Variants in TBC1D5 observed in about 807,000 individuals in gnomAD.
TBC1D5 encodes TBC1 domain family, member 5.
A neutral mutation model predicts 100.3 loss-of-function variants in TBC1D5; 75 were observed. The observed-to-expected ratio is 0.75, with a 90% CI of 0.62 to 0.91. The LOEUF (loss-of-function observed/expected upper bound fraction) is 0.91. TBC1D5 is among the 40% of genes least tolerant of loss of function. The pLI is 0.00. For missense variants in TBC1D5, 910 were observed against 942.4 expected (o/e 0.97, Z 0.45); for synonymous variants, 323 against 325.6 (o/e 0.99, Z 0.09).
intron 1 of TBC1D5, among the ~76,000 whole-genome samples, chr3:17,714,775 G>A (rs573660477): frequency 1.3e-5 from 2 of 152,240 alleles, no homozygotes; most frequent in East Asian, 3.9e-4. Flanking sequence ...TCCAGCCTGG[G>A]CAACATAGTG....
chr3:17,553,459 T>C (rs1414722355), intron 2 of TBC1D5, among the ~76,000 whole-genome samples: 1 of 152,136 alleles, frequency 6.6e-6, no homozygotes, highest in Non-Finnish European at 1.5e-5. Flanking sequence ...TTAACAAAAC[T>C]ACAAATGTAT....
chr3:17,237,890 T>C (rs2075985652), intron 17 of TBC1D5, among the ~76,000 whole-genome samples: 1 of 152,212 alleles, frequency 6.6e-6, no homozygotes, highest in Non-Finnish European at 1.5e-5. Context: ...GATCTCAATT[T>C]CTGTGTTGTG....
intron 3 of TBC1D5, among the ~76,000 whole-genome samples, chr3:17,454,949 C>A (rs568007506): frequency 4.6e-4 from 70 of 151,248 alleles, no homozygotes; most frequent in African/African-American, 7.5e-4. Flanking sequence ...ACAACAACAA[C>A]AAAAAAAGGA....
At chr3:17,692,052 C>A (rs1560478127) in intron 1 of TBC1D5, among the ~76,000 whole-genome samples, 1 of 152,102 alleles carries the variant, frequency 6.6e-6, no homozygotes, top group Non-Finnish European at 1.5e-5. Flanking sequence ...GCAATAATAT[C>A]TATATAAAAC....
At chr3:17,251,429 C>CA (rs1331147387) in intron 16 of TBC1D5, among the ~76,000 whole-genome samples, 2 of 131,198 alleles carry the variant, frequency 1.5e-5, no homozygotes, top group Non-Finnish European at 3.3e-5. Context: ...ACGGGAACCC[C>CA]CCCCCCCCCA....
Position 17,356,042 on chromosome 3 carries a change from G to A in TBC1D5, c.995+16033C>T, listed in dbSNP as rs2091185372. Among the ~76,000 whole-genome samples the A allele has an allele frequency of 2.6e-5, 4 of 152,056 alleles. No homozygotes were observed. In the South Asian group the frequency reaches 8.3e-4, roughly 32 times the overall value. ...ACCATAATCATTTTTAATATTAAAA[G>A]CACCAATATGCTGGTTTTAAAAAAA... is the stretch of plus-strand genomic sequence containing the variant. On this transcript the variant is annotated intron_variant, in intron 13 of 21. Coordinates refer to ENST00000253692, the Ensembl canonical transcript of TBC1D5.
chr3:17,300,763 G>A (rs2082741396), intron 14 of TBC1D5, among the ~76,000 whole-genome samples: 1 of 152,178 alleles, frequency 6.6e-6, no homozygotes, highest in Non-Finnish European at 1.5e-5. Context: ...AAATATTTGA[G>A]AAATACTTTC....
intron 2 of TBC1D5, among the ~76,000 whole-genome samples, chr3:17,557,166 G>T (rs1462456804): frequency 2.0e-5 from 3 of 152,156 alleles, no homozygotes; most frequent in Non-Finnish European, 4.4e-5. Flanking sequence ...AATAGAACCA[G>T]ATATTTATAC....
chr3:17,603,155 GT>G (rs1224220563), intron 2 of TBC1D5, among the ~76,000 whole-genome samples: 8,115 of 133,842 alleles, frequency 0.061, 676 homozygotes, highest in African/African-American at 0.2. Flanking sequence ...AAGTTTTTTG[GT>G]TTTTTTTTTT....
intron 1 of TBC1D5, among the ~76,000 whole-genome samples, chr3:17,624,904 A>G (rs1425486618): frequency 6.6e-6 from 1 of 152,150 alleles, no homozygotes; most frequent in Non-Finnish European, 1.5e-5. Flanking sequence ...GAGAACGTCT[A>G]AAATAAAATT....
intron 9 of TBC1D5, among the ~76,000 whole-genome samples, chr3:17,383,524 G>A (rs187972307): frequency 3.3e-5 from 5 of 151,948 alleles, no homozygotes; most frequent in Non-Finnish European, 7.4e-5. Flanking sequence ...GTTTTAAAAG[G>A]TAATAGGATA....
At chr3:17,298,481 G>A (rs953944570) in intron 14 of TBC1D5, among the ~76,000 whole-genome samples, 1 of 152,122 alleles carries the variant, frequency 6.6e-6, no homozygotes, top group African/African-American at 2.4e-5. Flanking sequence ...AAGACTTTAG[G>A]GTCAGTGAGG....
intron 2 of TBC1D5, among the ~76,000 whole-genome samples, chr3:17,539,543 C>T (rs774968838): frequency 6.6e-6 from 1 of 152,086 alleles, no homozygotes; most frequent in Non-Finnish European, 1.5e-5. Flanking sequence ...TTTCTTTAGT[C>T]AGGCTGGAAT....
intron 16 of TBC1D5, among the ~76,000 whole-genome samples, chr3:17,242,812 A>G (rs1160517267): frequency 6.6e-6 from 1 of 152,136 alleles, no homozygotes; most frequent in Non-Finnish European, 1.5e-5. Flanking sequence ...AGCACAATTT[A>G]GAAAATAAAC....
intron 2 of TBC1D5, among the ~76,000 whole-genome samples, chr3:17,603,250 G>A (rs1286807080): frequency 6.7e-6 from 1 of 148,398 alleles, no homozygotes; most frequent in African/African-American, 2.5e-5. Context: ...CAACCTCCTT[G>A]GCTCAACTGA....
intron 13 of TBC1D5, among the ~76,000 whole-genome samples, chr3:17,320,003 A>G (rs1183646725): frequency 1.1e-4 from 16 of 152,252 alleles, no homozygotes; most frequent in Admixed American, 1.0e-3. Flanking sequence ...GTTGTGTAGT[A>G]TTCCATAAGT....
At chr3:17,236,270 T>A (rs1406739330) in intron 17 of TBC1D5, among the ~76,000 whole-genome samples, 1 of 152,220 alleles carries the variant, frequency 6.6e-6, no homozygotes, top group Non-Finnish European at 1.5e-5. Flanking sequence ...TACAACTGAC[T>A]ACAGCTTGTT....
intron 3 of TBC1D5, among the ~76,000 whole-genome samples, chr3:17,428,970 T>G (rs919393079): frequency 1.3e-5 from 2 of 151,762 alleles, no homozygotes; most frequent in African/African-American, 4.8e-5. Context: ...TAAACAGAGG[T>G]AAAATAAAAA....
At chr3:17,256,649 C>T (rs1193646350) in intron 16 of TBC1D5, among the ~76,000 whole-genome samples, 1 of 152,050 alleles carries the variant, frequency 6.6e-6, no homozygotes, top group Non-Finnish European at 1.5e-5. Context: ...GTGTTGAGTG[C>T]CTTCCCTATA....
Sources: allele counts gnomAD v4.1 joint callset (sites outside exome capture counted in the v4.1 genomes callset), GRCh38; gene constraint gnomAD v4.1.1; transcripts MANE v1.5; gene names NCBI Gene and HGNC (gene_info 2026-07-23, HGNC 2026-07-21).